Variants in KIAA1614 observed in about 807,000 individuals in gnomAD.
KIAA1614 encodes the protein KIAA1614.
In KIAA1614, 76 loss-of-function variants were observed where a neutral mutation model predicts 88.7. That is an observed-to-expected ratio of 0.86 (90% confidence interval 0.71 to 1.04). KIAA1614 has a LOEUF of 1.04. KIAA1614 is among the 50% of genes least tolerant of loss of function. The pLI is 0.00. For synonymous variants in KIAA1614, 714 were observed against 675.5 expected (o/e 1.06, Z -0.88); for missense variants, 1,553 against 1,582.5 (o/e 0.98, Z 0.32).
intron 1 of KIAA1614, among the ~76,000 whole-genome samples, chr1:180,915,241 T>A (rs1653751958): frequency 6.6e-6 from 1 of 152,234 alleles, no homozygotes; most frequent in Non-Finnish European, 1.5e-5. Flanking sequence ...AACCCCATGC[T>A]GTGGTCCTGT....
chr1:180,949,848 T>G lies in KIAA1614; in HGVS notation c.*4260T>G, dbSNP rs1346928734. 1 of 152,206 alleles carries G rather than the reference T, an allele frequency of 6.6e-6. No individual in the cohort carries two copies. Among genetic ancestry groups the G allele is most frequent in the African/African-American group, 2.4e-5 (1 of 41,434 alleles). 9.4% of individuals were successfully genotyped at this position (152,206 alleles called of 1,614,324 possible). A position where few individuals can be genotyped will look rare whatever the true frequency, so the allele number is the denominator to read the frequency against. ...AGGCTTGGATGTGGCTCAGCCACTT[T>G]TGCTCTTCCGATGATACCTTCCCAC... On this transcript the variant is annotated 3_prime_UTR_variant, in exon 9 of 9. Transcript: ENST00000367588.
chr1:180,913,331 G>C (rs192713785), intron 1 of KIAA1614, 38 bp downstream of exon 1: 6 of 1,227,052 alleles, frequency 4.9e-6, no homozygotes, highest in Non-Finnish European at 6.2e-6. Flanking sequence ...CGGCCGGGCG[G>C]GGGTGGCGGA....
chr1:180,945,275 C>T (rs773203198), intron 8 of KIAA1614, 28 bp from the exon 9 acceptor site: 2 of 1,564,688 alleles, frequency 1.3e-6, no homozygotes, highest in Non-Finnish European at 1.7e-6. Context: ...TGCTTTTTGC[C>T]CTCACTGTGT....
At chr1:180,917,270 A>C (rs968228544) in intron 2 of KIAA1614, among the ~76,000 whole-genome samples, 170 bp downstream of exon 2, 1 of 152,176 alleles carries the variant, frequency 6.6e-6, no homozygotes, top group Admixed American at 6.5e-5. Context: ...TGGCTGTGAC[A>C]GATTCTTTGC....
At chr1:180,913,869 A>C (rs781229379) in intron 1 of KIAA1614, 13 of 152,252 alleles carry the variant, frequency 8.5e-5, no homozygotes, top group African/African-American at 1.2e-4. Flanking sequence ...AACTTGCTGC[A>C]TTCTAGATTA....
chr1:180,928,930 G>T (rs1418730981), intron 4 of KIAA1614, among the ~76,000 whole-genome samples: 1 of 152,234 alleles, frequency 6.6e-6, no homozygotes, highest in African/African-American at 2.4e-5. Flanking sequence ...CACCTGGAAA[G>T]GACAGGTGAG....
rs200615371 is a variant in KIAA1614, at chr1:180,935,226, C to T, written c.1317C>T (p.His439=). The T allele has an allele frequency of 2.6e-6, 4 of 1,532,840 alleles. No individual in the cohort carries two copies. The Admixed American group carries it at 8.6e-5, about 33-fold the overall frequency. 95.0% of individuals were successfully genotyped at this position (1,532,840 alleles called of 1,614,324 possible). The change falls in exon 5 of 9, where the codon CAC becomes CAT. Residue 439 remains histidine, a synonymous_variant. Transcript: ENST00000367588. This position sits in a 1 kb window ranked among gnomAD's most constrained non-coding sequence, Gnocchi z 6.1. ...DSSSGESSGG[H]RPRRGPSPSH... is the part of the protein sequence containing the mutation. ...CCAGCGGAGAGTCCAGCGGTGGGCA[C>T]AGGCCGAGGCGGGGCCCCTCGCCGT...
At chr1:180,914,007 G>C (rs574700164) in intron 1 of KIAA1614, 1 of 152,302 alleles carries the variant, frequency 6.6e-6, no homozygotes, top group South Asian at 2.1e-4. Context: ...CTGAAAGCTT[G>C]TGTATAAATT....
chr1:180,919,379 G>A (rs1200927204), intron 3 of KIAA1614, among the ~76,000 whole-genome samples: 3 of 152,202 alleles, frequency 2.0e-5, no homozygotes, highest in African/African-American at 7.2e-5. Flanking sequence ...CTGGTCCCCA[G>A]CTGGCCCTGC....
Position 180,947,363 on chromosome 1 carries a change from G to C in KIAA1614, c.*1775G>C, listed in dbSNP as rs1338821198. 1.3e-5 allele frequency: 2 copies of C among 152,342 alleles called. No homozygotes were observed. The highest frequency in any genetic ancestry group is 1.5e-5 in the Non-Finnish European group (1 of 68,114). The allele number at this position is 152,342 out of a possible 1,614,324, so 9.4% of individuals were successfully genotyped here. The stretch of plus-strand genomic sequence containing the variant: ...CTAATGTCTATGAGAATAGACCCCA[G>C]TGGGACACGGGTGGAGCCAGGGAGC... On this transcript the variant is annotated 3_prime_UTR_variant, in exon 9 of 9. Coordinates refer to ENST00000367588, the MANE Select transcript of KIAA1614 (RefSeq NM_020950.2).
intron 5 of KIAA1614, among the ~76,000 whole-genome samples, chr1:180,938,146 T>C (rs1434630749): frequency 6.6e-6 from 1 of 152,262 alleles, no homozygotes; most frequent in Non-Finnish European, 1.5e-5. Flanking sequence ...CTGACAAGAT[T>C]GTGGGTTTTG....
chr1:180,920,951 T>C (rs1473316418), intron 3 of KIAA1614, among the ~76,000 whole-genome samples: 3 of 152,228 alleles, frequency 2.0e-5, no homozygotes, highest in Admixed American at 2.0e-4. Context: ...TTTGAGCTCT[T>C]ATTATGTGGC....
At chr1:180,932,693 G>T (rs1450181240) in intron 4 of KIAA1614, among the ~76,000 whole-genome samples, 1 of 152,140 alleles carries the variant, frequency 6.6e-6, no homozygotes, top group African/African-American at 2.4e-5. Flanking sequence ...TTGCTTAGGA[G>T]GAGTTTGTGT....
At chr1:180,943,314 ACTGTGCCCGG>A (rs989176781) in intron 7 of KIAA1614, among the ~76,000 whole-genome samples, 1 of 152,106 alleles carries the variant, frequency 6.6e-6, no homozygotes, top group African/African-American at 2.4e-5. Context: ...GGCATGAGCC[ACTGTGCCCGG>A]CTGTATATAT....
chr1:180,917,840 C>G lies in KIAA1614; in HGVS notation c.998-11C>G, dbSNP rs767030217. 11 of 1,613,226 alleles carry G rather than the reference C, an allele frequency of 6.8e-6. 1 individual carries two copies. The Middle Eastern group carries it at 8.3e-4, about 121-fold the overall frequency. On this transcript the variant is annotated splice_polypyrimidine_tract_variant and intron_variant, in intron 2 of 8. Coordinates refer to ENST00000367588, the MANE Select transcript of KIAA1614 (RefSeq NM_020950.2). ...CTCTGTCCTGATCTCTGCTTCTGTT[C>G]TGGATCCTAGAGCGACCAGTGGGGG...
Position 180,917,852 on chromosome 1 carries a change from G to A in KIAA1614, c.999G>A (p.Glu333=). 6.2e-7 allele frequency: 1 copy of A among 1,613,892 alleles called. No individual in the cohort carries two copies. Among genetic ancestry groups the A allele is most frequent in the Non-Finnish European group, 8.5e-7 (1 of 1,179,868 alleles). The part of the protein sequence containing the change: ...WTPSWDTAAP[E]RPVGDVDWAS... ...CTCTGCTTCTGTTCTGGATCCTAGA[G>A]CGACCAGTGGGGGATGTGGACTGGG... The change falls in exon 3 of 9, where the codon GAG becomes GAA. Residue 333 remains glutamate (E), a splice_region_variant and synonymous_variant. Transcript: ENST00000367588.
In KIAA1614 at chr1:180,916,550, T is replaced by C. The variant is rs200063298; in HGVS notation, c.447T>C (p.Asp149=). ...CTCCTCGTACCCAAAACCTGCCTGA[T>C]GGGCAGCTGGACGGCAGCATCAATG... ...VVAPRTQNLP[D]GQLDGSINEE... The change falls in exon 2 of 9, where the codon GAT becomes GAC. Residue 149 remains aspartate (D), a synonymous_variant. Coordinates refer to ENST00000367588, the MANE Select transcript of KIAA1614 (RefSeq NM_020950.2). 5 of 1,612,806 alleles carry C rather than the reference T, an allele frequency of 3.1e-6. No individual in the cohort carries two copies. The East Asian group carries it at 1.1e-4, about 36-fold the overall frequency.
At chr1:180,934,996 G>A (rs1654281639) in intron 4 of KIAA1614, 119 bp from the exon 5 acceptor site, 3 of 662,062 alleles carry the variant, frequency 4.5e-6, no homozygotes. Flanking sequence ...CTTGTGGGTT[G>A]CGGTTGCCAC....
intron 4 of KIAA1614, among the ~76,000 whole-genome samples, chr1:180,932,245 G>A (rs1056905750): frequency 2.5e-4 from 38 of 152,196 alleles, no homozygotes; most frequent in African/African-American, 8.2e-4. Context: ...ATCCTGCACC[G>A]TCTTCAGCAG....
Sources: allele counts gnomAD v4.1 joint callset (sites outside exome capture counted in the v4.1 genomes callset), GRCh38; gene constraint gnomAD v4.1.1; non-coding constraint Gnocchi (gnomAD v3.1); transcripts MANE v1.5; gene names NCBI Gene and HGNC (gene_info 2026-07-23, HGNC 2026-07-21).